VSTM2L: variants seen among roughly 807,000 people sequenced by gnomAD.
VSTM2L encodes V-set and transmembrane domain-containing protein 2-like protein.
VSTM2L carries 9 observed loss-of-function variants against 19.9 expected under a neutral mutation model. The ratio of observed to expected loss-of-function variants is 0.45; its 90% CI spans 0.27 to 0.79. The LOEUF (loss-of-function observed/expected upper bound fraction) is 0.79, where lower values mean the gene tolerates loss of function less well. Among genes scored for constraint, VSTM2L ranks in the 30% least tolerant of loss-of-function variants. VSTM2L has a pLI of 0.15. For synonymous variants in VSTM2L, 127 were observed against 133.8 expected, an observed-to-expected ratio of 0.95 and a Z score of 0.35; for missense variants, 286 against 295.5, an observed-to-expected ratio of 0.97 and a Z score of 0.24.
chr20:37,921,915 C>T (rs6021887), intron 1 of VSTM2L, among the ~76,000 whole-genome samples: 2,108 of 146,252 alleles, frequency 0.014, 44 homozygotes, highest in African/African-American at 0.049. Flanking sequence ...TGATCATAGC[C>T]CACTGCAGCC....
chr20:37,929,183 A>G (rs1469939826), intron 1 of VSTM2L, among the ~76,000 whole-genome samples: 1 of 152,024 alleles, frequency 6.6e-6, no homozygotes, highest in Non-Finnish European at 1.5e-5. Context: ...GAGCCATGTG[A>G]GGGAAGGCAG....
chr20:37,915,425 A>G (rs1457400205), intron 1 of VSTM2L, among the ~76,000 whole-genome samples: 1 of 151,880 alleles, frequency 6.6e-6, no homozygotes, highest in African/African-American at 2.4e-5. Context: ...CTAGGGTTTA[A>G]TAAGTCCAAG....
intron 3 of VSTM2L, among the ~76,000 whole-genome samples, chr20:37,937,827 T>C (rs78931744): frequency 0.013 from 1,921 of 152,282 alleles, 33 homozygotes; most frequent in African/African-American, 0.044. Context: ...GTATCTGATC[T>C]AGCCTGGGGG....
intron 1 of VSTM2L, among the ~76,000 whole-genome samples, chr20:37,912,920 G>A (rs549877862): frequency 1.3e-5 from 2 of 151,146 alleles, no homozygotes; most frequent in East Asian, 3.9e-4. Flanking sequence ...TCTGTCTTTC[G>A]ATCTCTTTCC....
intron 3 of VSTM2L, among the ~76,000 whole-genome samples, chr20:37,939,879 C>T (rs1471073870): frequency 6.6e-6 from 1 of 152,178 alleles, no homozygotes; most frequent in East Asian, 1.9e-4. Flanking sequence ...TGCGGTGCTC[C>T]CTGCCCTCCT....
At position 37,944,351 on chromosome 20, in the gene VSTM2L, C is replaced by T; in HGVS notation, c.*98C>T. 2 of 1,296,860 alleles carry T rather than the reference C, an allele frequency of 1.5e-6. No homozygotes were observed. Among genetic ancestry groups the T allele is most frequent in the African/African-American group, 1.5e-5 (1 of 65,924 alleles). 80.3% of individuals were successfully genotyped at this position (1,296,860 alleles called of 1,614,324 possible). On this transcript the variant is annotated 3_prime_UTR_variant, in exon 4 of 4. Transcript: ENST00000373461. ...GACCGACTGCCTGCGTCCAGCCGCGCCCCATCCCCGAGGCCGCCTGTGGCC... is the reference window on the plus strand; with the variant it reads ...GACCGACTGCCTGCGTCCAGCCGCGTCCCATCCCCGAGGCCGCCTGTGGCC...
chr20:37,938,848 C>T (rs2072955275), intron 3 of VSTM2L, among the ~76,000 whole-genome samples: 1 of 152,120 alleles, frequency 6.6e-6, no homozygotes, highest in Non-Finnish European at 1.5e-5. Flanking sequence ...ACGGGCTGCT[C>T]CTGGAGTGGG....
rs1453465504 is a variant in VSTM2L, at chr20:37,945,003, A to T, written c.*750A>T. On this transcript the variant is annotated 3_prime_UTR_variant, in exon 4 of 4. Coordinates refer to ENST00000373461, the MANE Select transcript of VSTM2L (RefSeq NM_080607.3). ...AGCAGGACCCCTTTGAGGGCCTTCA[A>T]GGCTCTCCCAGGAGTCCCCCTCTGC... 24 of 985,440 alleles carry T rather than the reference A, an allele frequency of 2.4e-5. No homozygotes were observed. Among genetic ancestry groups the T allele is most frequent in the Non-Finnish European group, 2.9e-5 (24 of 829,896 alleles). The allele number at this position is 985,440 out of a possible 1,614,324, so 61.0% of individuals were successfully genotyped here. A position where few individuals can be genotyped will look rare whatever the true frequency, so the allele number is the denominator to read the frequency against.
At chr20:37,931,334 C>T (rs916118838) in intron 1 of VSTM2L, among the ~76,000 whole-genome samples, 1 of 152,182 alleles carries the variant, frequency 6.6e-6, no homozygotes, top group African/African-American at 2.4e-5. Flanking sequence ...CCCAGGCCTT[C>T]TCTGATCCCT....
chr20:37,911,691 G>GT (rs143169433), intron 1 of VSTM2L, among the ~76,000 whole-genome samples: 1 of 152,146 alleles, frequency 6.6e-6, no homozygotes, highest in African/African-American at 2.4e-5. Flanking sequence ...GGGTAATGCT[G>GT]TTTTTTGTCT....
chr20:37,945,008 C>T lies in VSTM2L; in HGVS notation c.*755C>T, dbSNP rs2073000209. The T allele has an allele frequency of 1.0e-6, 1 of 985,844 alleles. No individual in the cohort carries two copies. The highest frequency in any genetic ancestry group is 1.2e-6 in the Non-Finnish European group (1 of 829,978). The allele number at this position is 985,844 out of a possible 1,614,324, so 61.1% of individuals were successfully genotyped here. A position where few individuals can be genotyped will look rare whatever the true frequency, so the allele number is the denominator to read the frequency against. ...GACCCCTTTGAGGGCCTTCAAGGCTCTCCCAGGAGTCCCCCTCTGCCGGCC... is the reference window on the plus strand; with the variant it reads ...GACCCCTTTGAGGGCCTTCAAGGCTTTCCCAGGAGTCCCCCTCTGCCGGCC... On this transcript the variant is annotated 3_prime_UTR_variant, in exon 4 of 4. Transcript: ENST00000373461.
At chr20:37,930,062 C>T (rs540192149) in intron 1 of VSTM2L, among the ~76,000 whole-genome samples, 10 of 152,350 alleles carry the variant, frequency 6.6e-5, no homozygotes, top group South Asian at 2.1e-4. Flanking sequence ...GCGGCTGGGA[C>T]TTCCAAGCCT....
intron 1 of VSTM2L, 114 bp downstream of exon 1, chr20:37,903,585 G>T (rs886999762): frequency 7.7e-7 from 1 of 1,302,582 alleles, no homozygotes; most frequent in Non-Finnish European, 9.7e-7. Context: ...CGGGCATCCC[G>T]GGGCGCCCCC....
Position 37,914,465 on chromosome 20 carries a change from T to C in VSTM2L, c.121+10994T>C, listed in dbSNP as rs1469449609. ...TGTGTATGTGTGTGTGTATTGTGTGTATGTGTGTATTTTGTGTGTGTGTAT... is the reference window on the plus strand; with the variant it reads ...TGTGTATGTGTGTGTGTATTGTGTGCATGTGTGTATTTTGTGTGTGTGTAT... On this transcript the variant is annotated intron_variant, in intron 1 of 3. Coordinates refer to ENST00000373461, the MANE Select transcript of VSTM2L (RefSeq NM_080607.3). Among the ~76,000 whole-genome samples, 3 of 128,356 alleles carry C rather than the reference T, an allele frequency of 2.3e-5. No individual in the cohort carries two copies. In the East Asian group the frequency reaches 6.1e-4, roughly 26 times the overall value. The allele number at this position is 128,356 out of a possible 152,430, so 84.2% of individuals were successfully genotyped here.
At chr20:37,909,290 C>T (rs967015082) in intron 1 of VSTM2L, among the ~76,000 whole-genome samples, 4 of 152,178 alleles carry the variant, frequency 2.6e-5, no homozygotes, top group Non-Finnish European at 4.4e-5. Flanking sequence ...CAGGTGCCCA[C>T]GTGAGAGTGT....
intron 3 of VSTM2L, 72 bp from the exon 4 acceptor site, chr20:37,943,909 C>CA: frequency 1.8e-5 from 1 of 56,972 alleles, no homozygotes; most frequent in South Asian, 5.3e-4. Context: ...GATCTTGGGA[C>CA]CCCCCCCCCC....
intron 1 of VSTM2L, among the ~76,000 whole-genome samples, chr20:37,915,797 G>A (rs73908017): frequency 0.021 from 3,125 of 152,072 alleles, 118 homozygotes; most frequent in African/African-American, 0.068. Flanking sequence ...CCAGGTTCTG[G>A]TCAGGGTGGG....
At chr20:37,907,646 C>T (rs751851439) in intron 1 of VSTM2L, among the ~76,000 whole-genome samples, 1 of 152,052 alleles carries the variant, frequency 6.6e-6, no homozygotes, top group Non-Finnish European at 1.5e-5. Context: ...CTCCCACCCC[C>T]ACCCTGCCAC....
chr20:37,931,506 A>T, intron 1 of VSTM2L, 129 bp from the exon 2 acceptor site: 1 of 1,011,912 alleles, frequency 9.9e-7, no homozygotes, highest in East Asian at 2.4e-5. Context: ...GCGGGCTTGC[A>T]GGTCACCCCA....
Sources: allele counts gnomAD v4.1 joint callset (sites outside exome capture counted in the v4.1 genomes callset), GRCh38; gene constraint gnomAD v4.1.1; transcripts MANE v1.5; gene names NCBI Gene and HGNC (gene_info 2026-07-23, HGNC 2026-07-21).